SNRPN: variants seen among roughly 807,000 people sequenced by gnomAD.
SNRPN encodes small nuclear ribonucleoprotein polypeptide N, also known as small nuclear ribonucleoprotein-associated protein N.
Under a neutral mutation model 25.2 loss-of-function variants are expected in SNRPN, and 7 were observed. The ratio of observed to expected loss-of-function variants is 0.28; its 90% CI spans 0.16 to 0.52. SNRPN has a LOEUF of 0.52. SNRPN is among the 20% of genes least tolerant of loss of function. The pLI is 0.96. For synonymous variants in SNRPN, 124 were observed against 110.6 expected (o/e 1.12, Z -0.76); for missense variants, 196 against 322.5 (o/e 0.61, Z 3.00).
intron 1 of SNRPN, among the ~76,000 whole-genome samples, chr15:24,867,239 C>T (rs2054650635): frequency 6.6e-6 from 1 of 152,180 alleles, no homozygotes; most frequent in Non-Finnish European, 1.5e-5. Context: ...GATTAACATT[C>T]TCATCAACAG....
At chr15:24,950,173 G>A (rs2062152127), upstream of SNRPN, among the ~76,000 whole-genome samples, 1 of 150,456 alleles carries the variant, frequency 6.6e-6, no homozygotes, top group Admixed American at 6.6e-5. Context: ...GTTGTTTCCA[G>A]TTTTTAACTT....
At chr15:24,877,635 G>A (rs1595628720) in intron 1 of SNRPN, among the ~76,000 whole-genome samples, 1 of 150,822 alleles carries the variant, frequency 6.6e-6, no homozygotes, top group Non-Finnish European at 1.5e-5. Context: ...GACCAGCCTG[G>A]CCAATATGGT....
At chr15:24,868,003 A>G (rs930017898) in intron 1 of SNRPN, among the ~76,000 whole-genome samples, 1 of 152,006 alleles carries the variant, frequency 6.6e-6, no homozygotes, top group African/African-American at 2.4e-5. Flanking sequence ...ACTTTTTCAT[A>G]TTTTAGTTGA....
chr15:24,941,931 C>T (rs1461640168), intron 3 of SNRPN, among the ~76,000 whole-genome samples: 2 of 152,050 alleles, frequency 1.3e-5, no homozygotes, highest in Non-Finnish European at 2.9e-5. Context: ...AGGTGCCTGC[C>T]ACTGTGCCCA....
At chr15:24,917,697 G>C (rs2059619690) in intron 2 of SNRPN, among the ~76,000 whole-genome samples, 1 of 152,264 alleles carries the variant, frequency 6.6e-6, no homozygotes, top group Admixed American at 6.5e-5. Flanking sequence ...TGTTGGTGCT[G>C]CTCTTCAGGG....
rs566806700 is a variant in SNRPN at position 24,974,577 on chromosome 15, T to C, written c.3+121T>C. The C allele has an allele frequency of 1.3e-5, 12 of 924,156 alleles. No individual in the cohort carries two copies. In the South Asian group the frequency reaches 1.6e-4, roughly 12 times the overall value. The allele number at this position is 924,156 out of a possible 1,614,324, so 57.2% of individuals were successfully genotyped here. The stretch of plus-strand genomic sequence containing the variant: ...AGAAATAAGGATACATCCATGGATA[T>C]GGATTCTCATTGCATTGAGTATCAG... On this transcript the variant is annotated intron_variant, in intron 4 of 9. Transcript: ENST00000390687.
At chr15:24,919,668 A>C (rs1222357575) in intron 2 of SNRPN, among the ~76,000 whole-genome samples, 1 of 152,172 alleles carries the variant, frequency 6.6e-6, no homozygotes, top group Non-Finnish European at 1.5e-5. Context: ...TGCTGAAGAC[A>C]GGCCAGGGTG....
rs869100437 is a variant in SNRPN, at chr15:24,949,010, C to CTTT, written c.-390-13077_-390-13075dup. Among the ~76,000 whole-genome samples, 40 of 46,420 alleles carry CTTT rather than the reference C, an allele frequency of 8.6e-4. 3 individuals are homozygous for CTTT. The highest frequency in any genetic ancestry group is 1.5e-3 in the South Asian group (2 of 1,376). 30.5% of individuals were successfully genotyped at this position (46,420 alleles called of 152,430 possible). ...TTCTGTCTATATGGATTTGCCTATT[C>CTTT]TTTTTTTTTTTTTTTTTTTTTTTTT... On this transcript the variant is annotated intron_variant, in intron 3 of 11. Coordinates refer to the SNRPN transcript ENST00000400097.
chr15:24,847,667 G>T (rs910994987), intron 2 of SNRPN, among the ~76,000 whole-genome samples: 2 of 152,140 alleles, frequency 1.3e-5, no homozygotes, highest in Admixed American at 1.3e-4. Context: ...TGCTGCAGGG[G>T]TCAGTGGTGA....
intron 1 of SNRPN, among the ~76,000 whole-genome samples, chr15:24,867,850 G>T (rs963069124): frequency 2.6e-5 from 4 of 151,848 alleles, no homozygotes; most frequent in Non-Finnish European, 4.4e-5. Flanking sequence ...CTTGTTCTTT[G>T]TTCCTCCTCC....
intron 2 of SNRPN, among the ~76,000 whole-genome samples, chr15:24,899,553 G>A (rs904057707): frequency 1.3e-5 from 2 of 152,164 alleles, no homozygotes; most frequent in Non-Finnish European, 2.9e-5. Flanking sequence ...GTATGCATGA[G>A]CAATCCTGCA....
At chr15:24,965,654 G>A (rs980682572) in intron 2 of SNRPN, among the ~76,000 whole-genome samples, 1 of 152,108 alleles carries the variant, frequency 6.6e-6, no homozygotes, top group African/African-American at 2.4e-5. Flanking sequence ...TCGTGAGTTC[G>A]AAGGGAAATT....
At position 24,835,051 on chromosome 15, in the gene SNRPN, TAAA is replaced by T. The variant is rs202066789; in HGVS notation, c.-579+5149_-579+5151del. Among the ~76,000 whole-genome samples, 27 of 22,460 alleles carry T rather than the reference TAAA, an allele frequency of 1.2e-3. 7 individuals are homozygous for T. Among genetic ancestry groups the T allele is most frequent in the Non-Finnish European group, 1.5e-3 (19 of 12,924 alleles). 14.7% of individuals were successfully genotyped at this position (22,460 alleles called of 152,430 possible). A position where few individuals can be genotyped will look rare whatever the true frequency, so the allele number is the denominator to read the frequency against. ...TATATATAGTATATATATCTATATA[TAAA>T]AATATAGATATATAGTATATATATC... On this transcript the variant is annotated intron_variant, in intron 2 of 12. Transcript: ENST00000400100.
Position 24,977,342 on chromosome 15 carries a change from T to A in SNRPN, c.420+313T>A, listed in dbSNP as rs28464968. Among the ~76,000 whole-genome samples the A allele has an allele frequency of 2.8e-3, 433 of 152,226 alleles. 3 individuals are homozygous for A. The highest frequency in any genetic ancestry group is 9.9e-3 in the African/African-American group (411 of 41,570). ...GATGTCAGTGTACTAAGATTAGTTT[T>A]TAAAATATGGGAATAGGCCGGGTGC... On this transcript the variant is annotated intron_variant, in intron 7 of 9. Transcript: ENST00000390687.
At chr15:24,967,309 A>G (rs1333022401) in intron 2 of SNRPN, 1 of 152,914 alleles carries the variant, frequency 6.5e-6, no homozygotes, top group African/African-American at 2.4e-5. Context: ...TTGTGTTATA[A>G]TTTCTCATAA....
intron 2 of SNRPN, among the ~76,000 whole-genome samples, chr15:24,890,679 AAAAAAC>A (rs1485585476): frequency 6.6e-6 from 1 of 152,168 alleles, no homozygotes; most frequent in African/African-American, 2.4e-5. Flanking sequence ...ACTCTGTCTC[AAAAAAC>A]AAAAACAAAA....
At chr15:24,853,516 C>T (rs1213963093), upstream of SNRPN, among the ~76,000 whole-genome samples, 1 of 152,022 alleles carries the variant, frequency 6.6e-6, no homozygotes, top group Non-Finnish European at 1.5e-5. Flanking sequence ...GCCTCAGTCT[C>T]CCAAGTAGCT....
chr15:24,864,253 C>A (rs1207353754), intron 1 of SNRPN, among the ~76,000 whole-genome samples: 1 of 140,678 alleles, frequency 7.1e-6, no homozygotes, highest in East Asian at 2.1e-4. Context: ...TGGTCTCGAT[C>A]TCCTGACCTT....
At chr15:24,844,729 G>T (rs898774205) in intron 2 of SNRPN, among the ~76,000 whole-genome samples, 1 of 152,028 alleles carries the variant, frequency 6.6e-6, no homozygotes, top group African/African-American at 2.4e-5. Context: ...TCACCATGTT[G>T]GCCAGGCTGG....
Sources: allele counts gnomAD v4.1 joint callset (sites outside exome capture counted in the v4.1 genomes callset), GRCh38; gene constraint gnomAD v4.1.1; transcripts MANE v1.5; gene names NCBI Gene and HGNC (gene_info 2026-07-23, HGNC 2026-07-21).